OTUD7B: variants seen among roughly 807,000 people sequenced by gnomAD.
OTUD7B encodes OTU deubiquitinase 7B.
OTUD7B carries 34 observed loss-of-function variants against 82.2 expected under a neutral mutation model. That is an observed-to-expected ratio of 0.41 (90% confidence interval 0.31 to 0.55). The LOEUF is 0.55. Ranked by LOEUF, OTUD7B falls within the 20% of genes least tolerant of loss-of-function variation. The pLI is 0.20. For missense variants in OTUD7B, 944 were observed against 1,062.1 expected, an observed-to-expected ratio of 0.89 and a Z score of 1.55; for synonymous variants, 398 against 402.7, an observed-to-expected ratio of 0.99 and a Z score of 0.14.
rs916457191 is a variant in OTUD7B at position 149,944,226 on chromosome 1, G to A, written c.2163C>T (p.Val721=). ...PRRQLAGGPC[V]GGLPPYATFP... ...AGGTGGCATATGGTGGTAGGCCCCC[G>A]ACACATGGACCCCCTGCCAACTGCC... is the stretch of plus-strand genomic sequence containing the variant. Residue 721 remains valine, a synonymous_variant, in exon 12 of 12, where the codon GTC becomes GTT. Transcript: ENST00000581312. 15 of 1,612,870 alleles carry A rather than the reference G, an allele frequency of 9.3e-6. No individual in the cohort carries two copies. The highest frequency in any genetic ancestry group is 2.7e-5 in the African/African-American group (2 of 74,898).
the OTUD7B span, among the ~76,000 whole-genome samples, chr1:150,032,465 GAAAAA>G: frequency 4.0e-3 from 340 of 85,748 alleles, 4 homozygotes; most frequent in Admixed American, 6.8e-3. Flanking sequence ...CCTGTCTACA[GAAAAA>G]AAAAAAAAAA....
chr1:150,009,941 T>TCA (rs1417176178), intron 1 of OTUD7B, among the ~76,000 whole-genome samples: 15 of 150,930 alleles, frequency 9.9e-5, no homozygotes, highest in Admixed American at 4.0e-4. Context: ...TCTCCCTCTC[T>TCA]CACACACACA....
chr1:149,971,214 A>G lies in OTUD7B; in HGVS notation c.123T>C (p.Phe41=). 1 of 1,612,664 alleles carries G rather than the reference A, an allele frequency of 6.2e-7. No individual in the cohort carries two copies. The highest frequency in any genetic ancestry group is 8.5e-7 in the Non-Finnish European group (1 of 1,178,832). Residue 41 remains phenylalanine, a synonymous_variant, in exon 3 of 12, where the codon TTT becomes TTC. Transcript: ENST00000581312. ...NWDVNAALSD[F]EQLRQVHAGN... is the part of the protein sequence containing the mutation. ...CAGCATGGACTTGACGTAGCTGTTC[A>G]AAATCACTGAGGGCGGCATTCACAT...
rs1553777599 is a variant in OTUD7B, at chr1:149,971,215, A to G, written c.122T>C (p.Phe41Ser). 5.0e-6 allele frequency: 8 copies of G among 1,612,640 alleles called. No individual in the cohort carries two copies. The highest frequency in any genetic ancestry group is 6.8e-6 in the Non-Finnish European group (8 of 1,178,840). The change falls in exon 3 of 12, where the codon TTT becomes TCT. Residue 41 changes from phenylalanine to serine, a missense_variant. Phe to Ser is a radical substitution (Grantham distance 155, BLOSUM62 -2). Around this residue, in one of 3 missense-constraint regions of OTUD7B, gnomAD observed 530 missense variants for 625.6 expected, o/e 0.85. Coordinates refer to ENST00000581312, the MANE Select transcript of OTUD7B (RefSeq NM_020205.4). Reference protein sequence around the residue: ...NWDVNAALSDFEQLRQVHAGN... With the variant: ...NWDVNAALSDSEQLRQVHAGN... Reference sequence around the variant, plus strand: ...AGCATGGACTTGACGTAGCTGTTCAAAATCACTGAGGGCGGCATTCACATC... The same window carrying G: ...AGCATGGACTTGACGTAGCTGTTCAGAATCACTGAGGGCGGCATTCACATC...
chr1:150,057,225 G>A, the OTUD7B span, among the ~76,000 whole-genome samples: 1 of 152,186 alleles, frequency 6.6e-6, no homozygotes, highest in Non-Finnish European at 1.5e-5. Flanking sequence ...TGCTTAGAAA[G>A]AGTAATTTAG....
chr1:149,945,789 G>A (rs749902209), intron 11 of OTUD7B, among the ~76,000 whole-genome samples: 14 of 152,244 alleles, frequency 9.2e-5, no homozygotes, highest in Admixed American at 2.6e-4. Context: ...AGCCAGGCAC[G>A]GTGGCTCATG....
upstream of OTUD7B, among the ~76,000 whole-genome samples, chr1:150,013,973 C>CACACAT (rs1553787952): frequency 7.8e-6 from 1 of 128,282 alleles, no homozygotes; most frequent in Non-Finnish European, 1.7e-5. Flanking sequence ...CACACACACA[C>CACACAT]ATATATATAC....
chr1:150,024,967 G>T, the OTUD7B span, among the ~76,000 whole-genome samples: 1 of 152,108 alleles, frequency 6.6e-6, no homozygotes, highest in Non-Finnish European at 1.5e-5. Context: ...AAAATCACTT[G>T]AACCCAGGAG....
the OTUD7B span, among the ~76,000 whole-genome samples, chr1:150,042,382 A>C: frequency 6.6e-6 from 1 of 151,796 alleles, no homozygotes; most frequent in Non-Finnish European, 1.5e-5. Flanking sequence ...CATGTTGGCC[A>C]GGCTGGTCTC....
chr1:149,947,200 A>G lies in OTUD7B; in HGVS notation c.1323+51T>C, dbSNP rs782461892. 3.9e-6 allele frequency: 4 copies of G among 1,035,150 alleles called. No individual in the cohort carries two copies. In the African/African-American group the frequency reaches 6.2e-5, roughly 16 times the overall value. 64.1% of individuals were successfully genotyped at this position (1,035,150 alleles called of 1,614,324 possible). ...CCATCCCAGATCTCCTTGTTCTGTCACTGAAAATGAAATGAAGACACACCA... is the reference window on the plus strand; with the variant it reads ...CCATCCCAGATCTCCTTGTTCTGTCGCTGAAAATGAAATGAAGACACACCA... On this transcript the variant is annotated intron_variant, in intron 11 of 11. Transcript: ENST00000581312.
chr1:149,969,512 C>T (rs781785298), intron 3 of OTUD7B, among the ~76,000 whole-genome samples: 12 of 152,046 alleles, frequency 7.9e-5, no homozygotes, highest in Non-Finnish European at 1.8e-4. Flanking sequence ...CGATGGCTCA[C>T]GCCTGTAATC....
rs782579355 is a variant in OTUD7B at position 149,977,512 on chromosome 1, T to C, written c.-2A>G. 2 of 1,613,560 alleles carry C rather than the reference T, an allele frequency of 1.2e-6. No individual in the cohort carries two copies. Among genetic ancestry groups the C allele is most frequent in the South Asian group, 1.1e-5 (1 of 91,072 alleles). On this transcript the variant is annotated 5_prime_UTR_variant, in exon 2 of 12. Transcript: ENST00000581312. Reference sequence around the variant, plus strand: ...AACAGCATCCATGTCCAGGGTCATGTGATCCTCAAGTACTTTCAGCCAGCT... The same window carrying C: ...AACAGCATCCATGTCCAGGGTCATGCGATCCTCAAGTACTTTCAGCCAGCT...
chr1:149,949,824 A>C (rs587654987), intron 8 of OTUD7B, 46 bp from the exon 9 acceptor site: 59 of 1,580,306 alleles, frequency 3.7e-5, no homozygotes, highest in African/African-American at 3.1e-4. Flanking sequence ...GTTTCTGCCT[A>C]GTGGACAATC....
chr1:149,965,909 G>T, intron 4 of OTUD7B, 31 bp from the exon 5 acceptor site: 1 of 1,558,678 alleles, frequency 6.4e-7, no homozygotes, highest in South Asian at 1.1e-5. Context: ...AGGAAAAGGA[G>T]ATTATCCATG....
the OTUD7B span, among the ~76,000 whole-genome samples, chr1:150,025,339 C>A: frequency 5.9e-5 from 9 of 151,910 alleles, no homozygotes; most frequent in Non-Finnish European, 1.2e-4. Context: ...CGCTTGAACC[C>A]AGGAGGCGGA....
chr1:150,041,769 GT>G, the OTUD7B span, among the ~76,000 whole-genome samples: 1 of 151,968 alleles, frequency 6.6e-6, no homozygotes, highest in Non-Finnish European at 1.5e-5. Flanking sequence ...TTTATTGTTT[GT>G]TTTTTATTTC....
At chr1:150,064,479 C>T in the OTUD7B span, among the ~76,000 whole-genome samples, 2 of 152,030 alleles carry the variant, frequency 1.3e-5, no homozygotes, top group Non-Finnish European at 2.9e-5. Flanking sequence ...TCAAGCAATC[C>T]TACCGCACGC....
the OTUD7B span, among the ~76,000 whole-genome samples, chr1:150,039,847 T>C: frequency 6.6e-6 from 1 of 152,252 alleles, no homozygotes; most frequent in Non-Finnish European, 1.5e-5. Context: ...GATTTTGTTT[T>C]CCTTATACGG....
chr1:150,065,335 A>G, the OTUD7B span, among the ~76,000 whole-genome samples: 1 of 152,304 alleles, frequency 6.6e-6, no homozygotes, highest in African/African-American at 2.4e-5. Context: ...TTGGCCTTCC[A>G]AAGTGTTGGG....
Sources: gnomAD v4.1 joint callset for allele counts (sites outside exome capture counted in the v4.1 genomes callset) on GRCh38, gnomAD v4.1.1 for gene constraint, gnomAD v4.1.1 regional missense constraint, MANE v1.5 for transcripts, NCBI Gene and HGNC (gene_info 2026-07-23, HGNC 2026-07-21) for gene names.